The following MARCHF1 variants were observed in gnomAD, a reference collection of about 807,000 sequenced individuals.
MARCHF1 encodes E3 ubiquitin-protein ligase MARCHF1.
In MARCHF1, 40 loss-of-function variants were observed where a neutral mutation model predicts 54.2. The observed-to-expected ratio is 0.74, with a 90% CI of 0.57 to 0.96. The LOEUF (loss-of-function observed/expected upper bound fraction) is 0.96, where lower values mean the gene tolerates loss of function less well. Among genes scored for constraint, MARCHF1 ranks in the 40% least tolerant of loss-of-function variants. The probability of loss-of-function intolerance (pLI) is 0.00; values close to 1 mark genes in which losing one functional copy is unlikely to be tolerated. For synonymous variants in MARCHF1, 236 were observed against 236.3 expected (o/e 1.00, Z 0.01); for missense variants, 586 against 656.5 (o/e 0.89, Z 1.17).
chr4:163,919,611 A>C (rs1197527009), intron 3 of MARCHF1, among the ~76,000 whole-genome samples: 1 of 152,066 alleles, frequency 6.6e-6, no homozygotes, highest in Non-Finnish European at 1.5e-5. Context: ...GATACATTTT[A>C]AAGCACTTCC....
chr4:163,717,817 A>G (rs893739658), intron 4 of MARCHF1, among the ~76,000 whole-genome samples: 5 of 152,080 alleles, frequency 3.3e-5, no homozygotes, highest in African/African-American at 1.2e-4. Flanking sequence ...GTCTGTTCAT[A>G]TCCTTCACCC....
At chr4:163,682,026 T>A (rs916809842) in intron 5 of MARCHF1, among the ~76,000 whole-genome samples, 2 of 152,146 alleles carry the variant, frequency 1.3e-5, no homozygotes, top group Non-Finnish European at 2.9e-5. Context: ...TTGAACAGCT[T>A]TTACAAAAAT....
chr4:163,593,106 A>C (rs1431517694), intron 7 of MARCHF1, among the ~76,000 whole-genome samples: 3 of 152,180 alleles, frequency 2.0e-5, no homozygotes, highest in African/African-American at 7.2e-5. Context: ...TGAGTTCCCC[A>C]GTGCCATTTA....
At chr4:163,703,904 A>G (rs1358622048) in intron 4 of MARCHF1, among the ~76,000 whole-genome samples, 4 of 125,096 alleles carry the variant, frequency 3.2e-5, no homozygotes, top group South Asian at 2.4e-4. Context: ...AAAAATGATT[A>G]CCAAATGAGA....
chr4:164,146,497 A>G (rs540988864), intron 1 of MARCHF1, among the ~76,000 whole-genome samples: 2 of 152,202 alleles, frequency 1.3e-5, no homozygotes, highest in Non-Finnish European at 2.9e-5. Flanking sequence ...GGATCAGAAC[A>G]GAGCCCTCAG....
At chr4:163,977,820 A>G (rs1328244520) in intron 3 of MARCHF1, among the ~76,000 whole-genome samples, 1 of 152,210 alleles carries the variant, frequency 6.6e-6, no homozygotes, top group African/African-American at 2.4e-5. Context: ...TAATCCTATA[A>G]ATATAAACTT....
At chr4:164,054,405 C>A (rs1463241204) in intron 2 of MARCHF1, among the ~76,000 whole-genome samples, 1 of 151,386 alleles carries the variant, frequency 6.6e-6, no homozygotes, top group Non-Finnish European at 1.5e-5. Context: ...TACCATTTGA[C>A]CCAGCCATCC....
chr4:164,097,228 G>T (rs1402366297), intron 2 of MARCHF1, among the ~76,000 whole-genome samples: 1 of 152,072 alleles, frequency 6.6e-6, no homozygotes, highest in Non-Finnish European at 1.5e-5. Context: ...ATTTCGCCAA[G>T]AAAGATTGTG....
chr4:163,680,164 C>G (rs1196069749), intron 5 of MARCHF1, among the ~76,000 whole-genome samples: 2 of 152,156 alleles, frequency 1.3e-5, no homozygotes, highest in African/African-American at 4.8e-5. Context: ...AGGTTTCCCT[C>G]TCTGTCACTT....
At chr4:163,576,639 T>A (rs1386663147) in intron 8 of MARCHF1, among the ~76,000 whole-genome samples, 3 of 152,088 alleles carry the variant, frequency 2.0e-5, no homozygotes, top group Non-Finnish European at 4.4e-5. Context: ...CAGTGGGGTG[T>A]TGCCCACTGA....
chr4:164,245,075 A>T (rs1202395421), intron 1 of MARCHF1, among the ~76,000 whole-genome samples: 1 of 152,220 alleles, frequency 6.6e-6, no homozygotes, highest in Admixed American at 6.5e-5. Context: ...TCCAATCAAT[A>T]GAAAAAGAGG....
intron 3 of MARCHF1, among the ~76,000 whole-genome samples, chr4:163,859,867 G>A (rs1399003052): frequency 6.6e-6 from 1 of 152,156 alleles, no homozygotes; most frequent in Non-Finnish European, 1.5e-5. Flanking sequence ...ACCCAGAGAT[G>A]GGGCAGTTGG....
chr4:163,685,307 G>T (rs950183687), intron 5 of MARCHF1, among the ~76,000 whole-genome samples: 1 of 151,994 alleles, frequency 6.6e-6, no homozygotes, highest in Admixed American at 6.6e-5. Context: ...CATGTGACAA[G>T]TTTACAATGC....
chr4:163,682,915 G>A (rs969017011), intron 5 of MARCHF1, among the ~76,000 whole-genome samples: 13 of 152,154 alleles, frequency 8.5e-5, no homozygotes, highest in African/African-American at 3.1e-4. Context: ...TATTAGCAGT[G>A]TGAGAACGGG....
intron 3 of MARCHF1, among the ~76,000 whole-genome samples, chr4:163,949,856 G>C (rs1334878730): frequency 6.6e-6 from 1 of 152,170 alleles, no homozygotes; most frequent in Non-Finnish European, 1.5e-5. Context: ...GACCCATATT[G>C]GGTAGCTCCT....
intron 4 of MARCHF1, among the ~76,000 whole-genome samples, chr4:163,784,742 T>C (rs1014005094): frequency 1.3e-5 from 2 of 152,156 alleles, no homozygotes; most frequent in Non-Finnish European, 2.9e-5. Flanking sequence ...ATTAAATGCT[T>C]GTAAATGCCT....
intron 1 of MARCHF1, among the ~76,000 whole-genome samples, chr4:164,290,513 A>C (rs1430817483): frequency 6.6e-6 from 1 of 151,966 alleles, no homozygotes; most frequent in African/African-American, 2.4e-5. Context: ...TGAGAATCAT[A>C]AATGGAAAAA....
At chr4:164,172,980 CAA>C (rs35995273) in intron 1 of MARCHF1, among the ~76,000 whole-genome samples, 3 of 127,792 alleles carry the variant, frequency 2.3e-5, no homozygotes, top group East Asian at 2.6e-4. Context: ...GACTCCGTCT[CAA>C]AAAAAAAAAA....
At chr4:164,080,674 A>G (rs867804221) in intron 2 of MARCHF1, among the ~76,000 whole-genome samples, 192 of 144,030 alleles carry the variant, frequency 1.3e-3, no homozygotes, top group East Asian at 3.3e-3. Flanking sequence ...GTGTGTGTAT[A>G]TATATATATA....
Sources: gnomAD v4.1 joint callset for allele counts (sites outside exome capture counted in the v4.1 genomes callset) on GRCh38, gnomAD v4.1.1 for gene constraint, MANE v1.5 for transcripts, NCBI Gene and HGNC (gene_info 2026-07-23, HGNC 2026-07-21) for gene names.